The following CISD2 variants were observed in gnomAD, a reference collection of about 807,000 sequenced individuals.
CISD2 encodes CDGSH iron-sulfur domain-containing protein 2.
Under a neutral mutation model 12.9 loss-of-function variants are expected in CISD2, and 1 was observed. That is an observed-to-expected ratio of 0.08 (90% CI 0.03 to 0.37). The LOEUF is 0.37. Among genes scored for constraint, CISD2 ranks in the 10% least tolerant of loss-of-function variants. The pLI, the probability that CISD2 is intolerant of heterozygous loss-of-function variation, is 0.99. For missense variants in CISD2, 97 were observed against 163.1 expected, an observed-to-expected ratio of 0.59 and a Z score of 2.21; for synonymous variants, 50 against 60.6, an observed-to-expected ratio of 0.83 and a Z score of 0.81.
chr4:102,885,647 C>T (rs923582182), intron 2 of CISD2, among the ~76,000 whole-genome samples: 4 of 152,180 alleles, frequency 2.6e-5, no homozygotes, highest in East Asian at 1.9e-4. Context: ...CTAATGCCTT[C>T]GCAATGTTTG....
intron 1 of CISD2, among the ~76,000 whole-genome samples, chr4:102,882,438 T>TTAC (rs775137578): frequency 2.6e-5 from 4 of 152,204 alleles, no homozygotes; most frequent in Non-Finnish European, 4.4e-5. Flanking sequence ...AAAAGGCTGC[T>TTAC]TACTAGACAG....
chr4:102,869,283 T>G (rs1241144149), intron 1 of CISD2, 96 bp downstream of exon 1: 3 of 1,485,726 alleles, frequency 2.0e-6, no homozygotes, highest in South Asian at 1.2e-5. Flanking sequence ...GGGACGGAGC[T>G]CGGCGCCTGG....
intron 1 of CISD2, among the ~76,000 whole-genome samples, chr4:102,881,007 A>T (rs1010922482): frequency 1.3e-5 from 2 of 151,724 alleles, no homozygotes; most frequent in African/African-American, 2.4e-5. Context: ...AAAAAAAAAA[A>T]ATTTTTTTTG....
intron 1 of CISD2, among the ~76,000 whole-genome samples, chr4:102,873,770 T>A (rs223326): frequency 0.58 from 84,521 of 145,888 alleles, 25,766 homozygotes; most frequent in African/African-American, 0.79. Flanking sequence ...AGTCAATATG[T>A]ATATTAGGTC....
At chr4:102,880,034 C>T (rs967655826) in intron 1 of CISD2, among the ~76,000 whole-genome samples, 10 of 151,936 alleles carry the variant, frequency 6.6e-5, no homozygotes, top group Admixed American at 5.9e-4. Flanking sequence ...CCTCCACTTC[C>T]GGGATTTAAG....
At chr4:102,884,673 G>A (rs986616781) in intron 1 of CISD2, among the ~76,000 whole-genome samples, 2 of 152,092 alleles carry the variant, frequency 1.3e-5, no homozygotes, top group South Asian at 4.1e-4. Flanking sequence ...CAACATAGAA[G>A]GTTTCAATTT....
At chr4:102,872,279 A>G (rs1342326645) in intron 1 of CISD2, among the ~76,000 whole-genome samples, 1 of 152,140 alleles carries the variant, frequency 6.6e-6, no homozygotes, top group Non-Finnish European at 1.5e-5. Flanking sequence ...CATGTTGGCC[A>G]GTCTGGTCTT....
At chr4:102,869,903 C>T (rs1326447729) in intron 1 of CISD2, among the ~76,000 whole-genome samples, 4 of 152,212 alleles carry the variant, frequency 2.6e-5, no homozygotes, top group Admixed American at 2.0e-4. Flanking sequence ...TAAGGACCCT[C>T]ACTTAACCCA....
chr4:102,878,274 G>A (rs1238188673), intron 1 of CISD2, among the ~76,000 whole-genome samples: 2 of 152,008 alleles, frequency 1.3e-5, no homozygotes, highest in African/African-American at 2.4e-5. Context: ...TAGAACTACA[G>A]GTGTGCACCA....
intron 1 of CISD2, among the ~76,000 whole-genome samples, chr4:102,874,946 C>T (rs1733558566): frequency 6.6e-6 from 1 of 152,174 alleles, no homozygotes; most frequent in Admixed American, 6.5e-5. Context: ...CCATCTGATA[C>T]CAGAGTGACT....
rs190212874 is a variant in CISD2, at chr4:102,885,207, C to T, written c.104-9C>T. The stretch of plus-strand genomic sequence containing the variant: ...AGCACTGCAGATTCTGACACATCTA[C>T]ATGTTTAGTTTCAGAATGGCTTCGG... On this transcript the variant is annotated splice_polypyrimidine_tract_variant and intron_variant, in intron 1 of 2. Transcript: ENST00000273986. 6.2e-7 allele frequency: 1 copy of T among 1,608,922 alleles called. No individual in the cohort carries two copies.
intron 1 of CISD2, among the ~76,000 whole-genome samples, chr4:102,879,826 A>T (rs894956702): frequency 6.6e-6 from 1 of 152,310 alleles, no homozygotes; most frequent in African/African-American, 2.4e-5. Flanking sequence ...TAAATTAAAC[A>T]CTTCAAACAA....
chr4:102,869,290 C>T (rs563960441), intron 1 of CISD2, 103 bp downstream of exon 1: 1 of 1,462,122 alleles, frequency 6.8e-7, no homozygotes, highest in South Asian at 1.2e-5. Context: ...AGCTCGGCGC[C>T]TGGCACGTGA....
At chr4:102,885,631 A>G (rs1733868954) in intron 2 of CISD2, among the ~76,000 whole-genome samples, 1 of 152,256 alleles carries the variant, frequency 6.6e-6, no homozygotes. Context: ...AAAGAAGAAT[A>G]AAAATCTAAT....
chr4:102,883,175 A>G (rs1315276241), intron 1 of CISD2, among the ~76,000 whole-genome samples: 1 of 152,166 alleles, frequency 6.6e-6, no homozygotes, highest in Non-Finnish European at 1.5e-5. Flanking sequence ...TGCCTTTCAT[A>G]TGCAAACCAA....
chr4:102,873,660 G>T (rs562148001), intron 1 of CISD2, among the ~76,000 whole-genome samples: 81 of 150,276 alleles, frequency 5.4e-4, no homozygotes, highest in Non-Finnish European at 1.0e-3. Flanking sequence ...TACGTGGAAG[G>T]CTGAGGCAAG....
intron 1 of CISD2, among the ~76,000 whole-genome samples, chr4:102,872,819 A>G (rs1733492129): frequency 6.6e-6 from 1 of 152,236 alleles, no homozygotes; most frequent in Admixed American, 6.5e-5. Flanking sequence ...GACAATGTCT[A>G]AACTTTCAGA....
At position 102,891,262 on chromosome 4, in the gene CISD2, C is replaced by G. The variant is rs1397043382; in HGVS notation, c.*3832C>G. 4 of 152,138 alleles carry G rather than the reference C, an allele frequency of 2.6e-5. No homozygotes were observed. Among genetic ancestry groups the G allele is most frequent in the Non-Finnish European group, 5.9e-5 (4 of 68,024 alleles). The allele number at this position is 152,138 out of a possible 1,614,324, so 9.4% of individuals were successfully genotyped here. A position where few individuals can be genotyped will look rare whatever the true frequency, so the allele number is the denominator to read the frequency against. On this transcript the variant is annotated 3_prime_UTR_variant, in exon 3 of 3. Coordinates refer to ENST00000273986, the MANE Select transcript of CISD2 (RefSeq NM_001008388.5). ...ACTTATTCTTACTTCACATTGAATT[C>G]TAACAAGTTTGGTTATCTGATTTCT... is the stretch of plus-strand genomic sequence containing the variant.
intron 2 of CISD2, among the ~76,000 whole-genome samples, chr4:102,886,196 G>A (rs748073204): frequency 1.3e-5 from 2 of 152,020 alleles, no homozygotes; most frequent in Non-Finnish European, 2.9e-5. Flanking sequence ...TTTAAAAAAC[G>A]AATACACGCA....
Sources: allele counts gnomAD v4.1 joint callset (sites outside exome capture counted in the v4.1 genomes callset), GRCh38; gene constraint gnomAD v4.1.1; transcripts MANE v1.5; gene names NCBI Gene and HGNC (gene_info 2026-07-23, HGNC 2026-07-21).